ACOT12: variants seen among roughly 807,000 people sequenced by gnomAD.
ACOT12 encodes acyl-CoA thioesterase 12, also known as acetyl-coenzyme A thioesterase.
Under a neutral mutation model 67.7 loss-of-function variants are expected in ACOT12, and 51 were observed. The observed-to-expected ratio is 0.75, with a 90% CI of 0.60 to 0.95. The LOEUF (loss-of-function observed/expected upper bound fraction) is 0.95. Ranked by LOEUF, ACOT12 falls within the 40% of genes least tolerant of loss-of-function variation. ACOT12 has a pLI of 0.00. For missense variants in ACOT12, 734 were observed against 708.1 expected, an observed-to-expected ratio of 1.04 and a Z score of -0.41; for synonymous variants, 251 against 244.6, an observed-to-expected ratio of 1.03 and a Z score of -0.24.
At chr5:81,346,026 G>T in intron 6 of ACOT12, 22 bp from the exon 7 acceptor site, 1 of 1,610,724 alleles carries the variant, frequency 6.2e-7, no homozygotes, top group South Asian at 1.1e-5. Flanking sequence ...AAGGGAGGGA[G>T]AGAGAAGAAA....
At chr5:81,332,727 A>C in intron 12 of ACOT12, 122 bp from the exon 13 acceptor site, 2 of 1,159,884 alleles carry the variant, frequency 1.7e-6, no homozygotes, top group Non-Finnish European at 2.4e-6. Context: ...TCACCTAATC[A>C]TCTCCCTAAA....
At chr5:81,323,245 T>C in the ACOT12 span, among the ~76,000 whole-genome samples, 2 of 152,130 alleles carry the variant, frequency 1.3e-5, no homozygotes, top group African/African-American at 4.8e-5. Flanking sequence ...TATACAAGAA[T>C]AACCATTTAT....
intron 2 of ACOT12, among the ~76,000 whole-genome samples, chr5:81,377,328 T>C (rs1047578902): frequency 4.6e-5 from 7 of 152,166 alleles, no homozygotes; most frequent in African/African-American, 1.4e-4. Context: ...CTGATATTGA[T>C]GGAACGTATC....
At chr5:81,371,664 T>A in intron 3 of ACOT12, 86 bp downstream of exon 3, 1 of 1,313,364 alleles carries the variant, frequency 7.6e-7, no homozygotes, top group Non-Finnish European at 1.1e-6. Context: ...TAACTCCAAA[T>A]ATTAGTCTAG....
intron 1 of ACOT12, among the ~76,000 whole-genome samples, chr5:81,387,172 AT>A (rs1201384702): frequency 1.3e-5 from 2 of 151,592 alleles, no homozygotes; most frequent in African/African-American, 4.8e-5. Context: ...TGCCCAGCTA[AT>A]TTTTTGTATT....
At chr5:81,353,451 T>C (rs972711371) in intron 5 of ACOT12, among the ~76,000 whole-genome samples, 1 of 152,206 alleles carries the variant, frequency 6.6e-6, no homozygotes, top group Non-Finnish European at 1.5e-5. Flanking sequence ...CAACCTGCTT[T>C]GACAACTTTA....
intron 11 of ACOT12, 29 bp downstream of exon 11, chr5:81,342,643 G>A: frequency 6.2e-7 from 1 of 1,609,568 alleles, no homozygotes. Flanking sequence ...ATGGGCGATG[G>A]ATTATGCAAA....
chr5:81,319,554 C>A, the ACOT12 span, among the ~76,000 whole-genome samples: 2 of 152,102 alleles, frequency 1.3e-5, no homozygotes, highest in African/African-American at 4.8e-5. Flanking sequence ...CCCGTATCTA[C>A]TAAAAATACA....
chr5:81,347,760 T>A lies in ACOT12; in HGVS notation c.653+14A>T. 2 of 1,612,336 alleles carry A rather than the reference T, an allele frequency of 1.2e-6. No individual in the cohort carries two copies. Among genetic ancestry groups the A allele is most frequent in the Non-Finnish European group, 1.7e-6 (2 of 1,179,086 alleles). ...TGGTCCCAAAATCATAGGCCGAAGG[T>A]CAAAACCAAGAACCTTGCAGAAATA... On this transcript the variant is annotated intron_variant, in intron 6 of 14. Coordinates refer to ENST00000307624, the MANE Select transcript of ACOT12 (RefSeq NM_130767.3).
chr5:81,369,189 C>T (rs1760171569), intron 3 of ACOT12, among the ~76,000 whole-genome samples: 1 of 151,820 alleles, frequency 6.6e-6, no homozygotes, highest in Admixed American at 6.6e-5. Flanking sequence ...ATAATGTGCT[C>T]TTAGTGCAAA....
intron 11 of ACOT12, among the ~76,000 whole-genome samples, chr5:81,339,173 G>T (rs1360768519): frequency 6.6e-6 from 1 of 152,252 alleles, no homozygotes; most frequent in African/African-American, 2.4e-5. Context: ...CTGTGGTAAA[G>T]AGGGCAAAAG....
intron 10 of ACOT12, among the ~76,000 whole-genome samples, chr5:81,343,206 A>C (rs757490740): frequency 2.3e-4 from 35 of 152,012 alleles, no homozygotes; most frequent in South Asian, 2.1e-3. Flanking sequence ...CCAAAAAAAA[A>C]CCCAACAAAA....
chr5:81,363,957 C>T, intron 3 of ACOT12, 68 bp from the exon 4 acceptor site: 1 of 1,003,310 alleles, frequency 1.0e-6, no homozygotes, highest in African/African-American at 1.7e-5. Flanking sequence ...AAAATTTAGT[C>T]ATATGTATGC....
At chr5:81,332,691 T>A in intron 12 of ACOT12, 86 bp from the exon 13 acceptor site, 1 of 1,522,812 alleles carries the variant, frequency 6.6e-7, no homozygotes, top group African/African-American at 1.4e-5. Flanking sequence ...AATCTCATTA[T>A]TTGTATCCAT....
intron 2 of ACOT12, among the ~76,000 whole-genome samples, chr5:81,378,966 A>C (rs1262204640): frequency 1.3e-5 from 2 of 152,180 alleles, no homozygotes; most frequent in Admixed American, 6.5e-5. Context: ...TTGACCCAGC[A>C]ATCCCATTAC....
At chr5:81,377,443 G>C (rs532221566) in intron 2 of ACOT12, among the ~76,000 whole-genome samples, 257 of 152,188 alleles carry the variant, frequency 1.7e-3, no homozygotes, top group African/African-American at 5.8e-3. Flanking sequence ...ACAAGGATGC[G>C]CTCTCTCACC....
chr5:81,351,119 T>A (rs1371138059), intron 5 of ACOT12, among the ~76,000 whole-genome samples: 1 of 152,226 alleles, frequency 6.6e-6, no homozygotes, highest in Non-Finnish European at 1.5e-5. Flanking sequence ...CAACAATGAA[T>A]CCACTATATT....
At chr5:81,391,317 G>A (rs1200252918) in intron 1 of ACOT12, among the ~76,000 whole-genome samples, 1 of 152,154 alleles carries the variant, frequency 6.6e-6, no homozygotes, top group Non-Finnish European at 1.5e-5. Context: ...CAAGCCTGTG[G>A]GTTTTCCATC....
chr5:81,312,744 C>A, the ACOT12 span: 1 of 1,027,108 alleles, frequency 9.7e-7, no homozygotes, highest in South Asian at 1.4e-5. Flanking sequence ...GTTGAGCTCC[C>A]CTGTAGCCAG....
Sources: allele counts gnomAD v4.1 joint callset (sites outside exome capture counted in the v4.1 genomes callset), GRCh38; gene constraint gnomAD v4.1.1; transcripts MANE v1.5; gene names NCBI Gene and HGNC (gene_info 2026-07-23, HGNC 2026-07-21).